TAF1: variants seen among roughly 807,000 people sequenced by gnomAD.
TAF1 encodes transcription initiation factor TFIID subunit 1.
In TAF1, 2 loss-of-function variants were observed where a neutral mutation model predicts 138.5. The observed-to-expected ratio is 0.01, with a 90% CI of 0.01 to 0.05. TAF1 has a LOEUF of 0.05. Ranked by LOEUF, TAF1 falls within the 10% of genes least tolerant of loss-of-function variation. The probability of loss-of-function intolerance (pLI) is 1.00; values close to 1 mark genes in which losing one functional copy is unlikely to be tolerated. For missense variants in TAF1, 709 were observed against 1,478.0 expected, an observed-to-expected ratio of 0.48 and a Z score of 8.53; for synonymous variants, 437 against 503.2, an observed-to-expected ratio of 0.87 and a Z score of 1.76.
At chrX:71,483,146 C>CT (rs2039100587) in intron 13 of TAF1, among the ~76,000 whole-genome samples, 6 of 84,561 alleles carry the variant, frequency 7.1e-5, no homozygotes, top group East Asian at 4.3e-4. Flanking sequence ...TTTTTTTTTT[C>CT]TTTTCTTTTT....
At chrX:71,456,063 G>T (rs1428259395) in intron 34 of TAF1, among the ~76,000 whole-genome samples, 1 of 111,727 alleles carries the variant, frequency 9.0e-6, no homozygotes, top group Non-Finnish European at 1.9e-5. Flanking sequence ...GAGTGATGTT[G>T]CCCAGGAAGG....
chrX:71,453,956 G>C (rs1286750718), intron 32 of TAF1, among the ~76,000 whole-genome samples: 2 of 112,008 alleles, frequency 1.8e-5, no homozygotes, highest in Non-Finnish European at 3.8e-5. Context: ...GTTAATCATT[G>C]AATCTGGCTA....
intron 28 of TAF1, among the ~76,000 whole-genome samples, chrX:71,412,048 C>A (rs191887332): frequency 1.8e-5 from 2 of 110,780 alleles, no homozygotes; most frequent in East Asian, 2.9e-4. Context: ...CATGAGCCAC[C>A]ACGCCCGGCT....
In TAF1 at chrX:71,464,146, A is replaced by G. The variant is rs1281593786; in HGVS notation, c.*100A>G. The stretch of plus-strand genomic sequence containing the variant: ...ATATTTGTACAGTATCTGATCCTGA[A>G]ATCATGAAATTAACTAACACCTTAG... On this transcript the variant is annotated 3_prime_UTR_variant, in exon 38 of 38. Coordinates refer to ENST00000423759, the MANE Select transcript of TAF1 (RefSeq NM_004606.5). 8 of 748,351 alleles carry G rather than the reference A, an allele frequency of 1.1e-5. No homozygotes were observed. The highest frequency in any genetic ancestry group is 1.5e-5 in the Non-Finnish European group (8 of 516,315). 61.7% of individuals were successfully genotyped at this position (748,351 alleles called of 1,213,427 possible).
At chrX:71,506,701 C>CA (rs770560479) in intron 13 of TAF1, among the ~76,000 whole-genome samples, 3,138 of 63,447 alleles carry the variant, frequency 0.049, 136 homozygotes, top group African/African-American at 0.14. Flanking sequence ...GACCCTGTCT[C>CA]AAAAAAAAAA....
At chrX:71,529,258 A>G (rs1393070598) in intron 14 of TAF1, among the ~76,000 whole-genome samples, 1 of 110,123 alleles carries the variant, frequency 9.1e-6, no homozygotes, top group Admixed American at 9.7e-5. Context: ...TTTTTAGTAG[A>G]GACGGGGTTT....
At chrX:71,476,914 A>G (rs760987346) in intron 13 of TAF1, among the ~76,000 whole-genome samples, 92 of 109,971 alleles carry the variant, frequency 8.4e-4, no homozygotes, top group African/African-American at 2.7e-3. Context: ...TGGATAAAAG[A>G]CTTAGATGTG....
At chrX:71,398,816 CCTT>C in intron 24 of TAF1, 79 bp downstream of exon 24, 1 of 1,090,786 alleles carries the variant, frequency 9.2e-7, no homozygotes, top group Non-Finnish European at 1.2e-6. Context: ...TTGATATCCT[CCTT>C]TACTGGGAAT....
intron 13 of TAF1, among the ~76,000 whole-genome samples, chrX:71,489,785 G>A (rs2039242553): frequency 8.9e-6 from 1 of 112,332 alleles, no homozygotes; most frequent in Non-Finnish European, 1.9e-5. Flanking sequence ...AGAGGGATGA[G>A]GATGGCAAAG....
At chrX:71,439,693 A>G (rs980944432) in intron 32 of TAF1, among the ~76,000 whole-genome samples, 1 of 111,918 alleles carries the variant, frequency 8.9e-6, no homozygotes, top group East Asian at 2.8e-4. Flanking sequence ...GAGCAGTCAA[A>G]AAGAAAATTA....
intron 15 of TAF1, among the ~76,000 whole-genome samples, 190 bp downstream of exon 15, chrX:71,387,651 T>C (rs1157579023): frequency 9.1e-6 from 1 of 110,154 alleles, no homozygotes; most frequent in African/African-American, 3.3e-5. Context: ...ATACAAAAAT[T>C]AGCTGGGCGT....
At position 71,464,507 on chromosome X, in the gene TAF1, C is replaced by T; in HGVS notation, c.*461C>T. 1 of 286,345 alleles carries T rather than the reference C, an allele frequency of 3.5e-6. No individual in the cohort carries two copies. Among genetic ancestry groups the T allele is most frequent in the African/African-American group, 2.7e-5 (1 of 36,544 alleles). The allele number at this position is 286,345 out of a possible 1,213,427, so 23.6% of individuals were successfully genotyped here. ...ATCACCTGAGGTCAGAAGTTCGAGA[C>T]CAGCTTGGCCAACATGGCGAAACCG... is the stretch of plus-strand genomic sequence containing the variant. On this transcript the variant is annotated 3_prime_UTR_variant, in exon 38 of 38. Transcript: ENST00000423759.
At chrX:71,486,522 CT>C (rs750926740) in intron 13 of TAF1, among the ~76,000 whole-genome samples, 113 of 95,318 alleles carry the variant, frequency 1.2e-3, no homozygotes, top group Middle Eastern at 0.011. Context: ...GCCTGGCTAT[CT>C]TTTTTTTTTT....
At position 71,375,049 on chromosome X, in the gene TAF1, C is replaced by G. The variant is rs2033369853; in HGVS notation, c.353-118C>G. 4 of 998,406 alleles carry G rather than the reference C, an allele frequency of 4.0e-6. No individual in the cohort carries two copies. In the Admixed American group the frequency reaches 1.3e-4, roughly 31 times the overall value. The allele number at this position is 998,406 out of a possible 1,213,427, so 82.3% of individuals were successfully genotyped here. On this transcript the variant is annotated intron_variant, in intron 3 of 37. Transcript: ENST00000423759. Reference sequence around the variant, plus strand: ...TGAGATTGCACCGCTGCACTCCAGCCTGGGCGACAGAGCAAGACTCTGTCT... The same window carrying G: ...TGAGATTGCACCGCTGCACTCCAGCGTGGGCGACAGAGCAAGACTCTGTCT...
At chrX:71,437,271 A>G (rs1363537766) in intron 32 of TAF1, among the ~76,000 whole-genome samples, 1 of 111,616 alleles carries the variant, frequency 9.0e-6, no homozygotes, top group Non-Finnish European at 1.9e-5. Context: ...ATGATTCAGT[A>G]TTGTTCATAG....
chrX:71,496,714 T>C (rs966720415), intron 13 of TAF1, among the ~76,000 whole-genome samples: 3 of 110,873 alleles, frequency 2.7e-5, no homozygotes, highest in Non-Finnish European at 3.8e-5. Flanking sequence ...TGTCTCTTCC[T>C]CTCTCTCTTT....
Position 71,395,164 on chromosome X carries a change from A to C in TAF1, c.3406+919A>C, listed in dbSNP as rs776007361. Among the ~76,000 whole-genome samples the C allele has an allele frequency of 3.6e-5, 4 of 111,928 alleles. No homozygotes were observed. The East Asian group carries it at 8.4e-4, about 24-fold the overall frequency. ...TAAGGATGAAAATCAAGGCAACCTT[A>C]AGATTTCACTCTGGGATTACTAGAA... On this transcript the variant is annotated intron_variant, in intron 22 of 37. Coordinates refer to ENST00000423759, the MANE Select transcript of TAF1 (RefSeq NM_004606.5).
At chrX:71,458,710 A>G (rs966670050) in intron 35 of TAF1, among the ~76,000 whole-genome samples, 1 of 112,150 alleles carries the variant, frequency 8.9e-6, no homozygotes. Flanking sequence ...TATGTGTATT[A>G]TAATTTAAAT....
intron 15 of TAF1, 103 bp from the exon 16 acceptor site, chrX:71,388,134 C>A: frequency 1.8e-6 from 2 of 1,087,783 alleles, no homozygotes; most frequent in South Asian, 2.3e-5. Context: ...GGGAGCACAT[C>A]GGGAAAGATG....
Sources: allele counts gnomAD v4.1 joint callset (sites outside exome capture counted in the v4.1 genomes callset), GRCh38; gene constraint gnomAD v4.1.1; transcripts MANE v1.5; gene names NCBI Gene and HGNC (gene_info 2026-07-23, HGNC 2026-07-21).